Variants in C7orf78 observed in about 807,000 individuals in gnomAD.
C7orf78 encodes putative uncharacterized protein C7orf78.
chr7:12,514,728 CACTT>C, the C7orf78 span, among the ~76,000 whole-genome samples: 2 of 152,046 alleles, frequency 1.3e-5, no homozygotes, highest in Admixed American at 6.5e-5. Context: ...AGTGATTTTA[CACTT>C]ACTTATGTTT....
At chr7:12,491,547 T>A in the C7orf78 span, 1 of 148,448 alleles carries the variant, frequency 6.7e-6, no homozygotes, top group East Asian at 2.0e-4. Context: ...TGTGTCGAGG[T>A]AGATTACGCT....
chr7:12,523,331 C>T, the C7orf78 span: 8 of 398,262 alleles, frequency 2.0e-5, no homozygotes, highest in Non-Finnish European at 3.5e-5. Context: ...TACATTTCCA[C>T]ATCTGGATTT....
chr7:12,501,486 T>C, the C7orf78 span, among the ~76,000 whole-genome samples: 1 of 151,842 alleles, frequency 6.6e-6, no homozygotes, highest in Non-Finnish European at 1.5e-5. Context: ...TCACAATTGC[T>C]TCAAAGAGAA....
At chr7:12,527,228 A>G in the C7orf78 span, among the ~76,000 whole-genome samples, 15 of 73,646 alleles carry the variant, frequency 2.0e-4, no homozygotes, top group African/African-American at 5.7e-4. Flanking sequence ...AATGCCACCT[A>G]GCTGTGTAAT....
At chr7:12,506,250 T>C in the C7orf78 span, among the ~76,000 whole-genome samples, 1 of 152,184 alleles carries the variant, frequency 6.6e-6, no homozygotes, top group Non-Finnish European at 1.5e-5. Context: ...CTCAAGGATC[T>C]AGAGCTAGAA....
At chr7:12,523,076 C>T in the C7orf78 span, 1 of 398,286 alleles carries the variant, frequency 2.5e-6, no homozygotes, top group Non-Finnish European at 4.4e-6. Flanking sequence ...ACGACAGGAT[C>T]TCAACTCCAA....
the C7orf78 span, among the ~76,000 whole-genome samples, chr7:12,484,271 A>G: frequency 6.6e-6 from 1 of 152,290 alleles, no homozygotes; most frequent in South Asian, 2.1e-4. Context: ...TTCTTTTTCT[A>G]TTTCAAAATA....
chr7:12,538,586 C>T, the C7orf78 span: 1 of 152,224 alleles, frequency 6.6e-6, no homozygotes, highest in African/African-American at 2.4e-5. Flanking sequence ...GCACAGTCCT[C>T]TGAGAACCAG....
the C7orf78 span, among the ~76,000 whole-genome samples, chr7:12,498,131 G>C: frequency 6.6e-6 from 1 of 151,724 alleles, no homozygotes; most frequent in Non-Finnish European, 1.5e-5. Context: ...ACAAAGATGG[G>C]GAAAAAACAG....
At chr7:12,528,979 T>C in the C7orf78 span, 16 of 398,442 alleles carry the variant, frequency 4.0e-5, no homozygotes, top group Non-Finnish European at 7.1e-5. Flanking sequence ...GCATTGTGAA[T>C]GCACCTGGGA....
the C7orf78 span, among the ~76,000 whole-genome samples, chr7:12,488,508 A>G: frequency 6.6e-6 from 1 of 152,098 alleles, no homozygotes; most frequent in Non-Finnish European, 1.5e-5. Context: ...CAATTAAATG[A>G]TGTATATAGG....
chr7:12,490,359 C>T, the C7orf78 span, among the ~76,000 whole-genome samples: 33 of 152,048 alleles, frequency 2.2e-4, no homozygotes, highest in African/African-American at 8.0e-4. Flanking sequence ...TGCTTGTAAA[C>T]AAGAGCCCAG....
the C7orf78 span, among the ~76,000 whole-genome samples, chr7:12,534,497 T>G: frequency 0.72 from 108,765 of 152,066 alleles, 39,923 homozygotes; most frequent in East Asian, 0.92. Context: ...CTTGAAACAT[T>G]AAAACTACAA....
At chr7:12,489,712 G>A in the C7orf78 span, among the ~76,000 whole-genome samples, 1 of 152,000 alleles carries the variant, frequency 6.6e-6, no homozygotes, top group African/African-American at 2.4e-5. Context: ...AAGAAGAAAA[G>A]CCAAGACAAA....
chr7:12,502,589 G>A, the C7orf78 span, among the ~76,000 whole-genome samples: 20 of 151,248 alleles, frequency 1.3e-4, no homozygotes, highest in Non-Finnish European at 2.4e-4. Flanking sequence ...AACAACAGGT[G>A]CTGGAGAGGA....
the C7orf78 span, among the ~76,000 whole-genome samples, chr7:12,533,376 T>C: frequency 6.6e-6 from 1 of 151,414 alleles, no homozygotes; most frequent in African/African-American, 2.4e-5. Context: ...AATTTTTGTA[T>C]TTTTAGTAGA....
chr7:12,524,201 T>C, the C7orf78 span, among the ~76,000 whole-genome samples: 137 of 152,320 alleles, frequency 9.0e-4, no homozygotes, highest in African/African-American at 3.2e-3. Flanking sequence ...CTAAGCCTTT[T>C]TGATTATTTA....
the C7orf78 span, among the ~76,000 whole-genome samples, chr7:12,529,633 C>A: frequency 2.0e-5 from 3 of 152,146 alleles, no homozygotes; most frequent in Non-Finnish European, 4.4e-5. Flanking sequence ...AGACATAAAT[C>A]AATACATGTA....
At chr7:12,494,775 C>T in the C7orf78 span, among the ~76,000 whole-genome samples, 30 of 152,304 alleles carry the variant, frequency 2.0e-4, no homozygotes, top group South Asian at 5.8e-3. Context: ...TTGGCTGCCT[C>T]ATCACTGAGA....
Sources: allele counts gnomAD v4.1 joint callset (sites outside exome capture counted in the v4.1 genomes callset), GRCh38; gene constraint gnomAD v4.1.1; transcripts MANE v1.5; gene names NCBI Gene and HGNC (gene_info 2026-07-23, HGNC 2026-07-21).